Variants in RGS9 observed in about 807,000 individuals in gnomAD.
The protein encoded by RGS9 is regulator of G protein signaling 9, also known as regulator of G-protein signalling 9.
In RGS9, 78 loss-of-function variants were observed where a neutral mutation model predicts 102.0. That is an observed-to-expected ratio of 0.76 (90% CI 0.64 to 0.92). The LOEUF (loss-of-function observed/expected upper bound fraction) is 0.92, where lower values mean the gene tolerates loss of function less well. Among genes scored for constraint, RGS9 ranks in the 40% least tolerant of loss-of-function variants. The pLI is 0.00. For synonymous variants in RGS9, 353 were observed against 318.6 expected (o/e 1.11, Z -1.15); for missense variants, 833 against 866.1 (o/e 0.96, Z 0.48).
chr17:65,181,626 T>C (rs929368315), intron 9 of RGS9, among the ~76,000 whole-genome samples: 1 of 152,182 alleles, frequency 6.6e-6, no homozygotes, highest in East Asian at 1.9e-4. Flanking sequence ...CAGGAGGTGA[T>C]GGGGGCAGGG....
intron 8 of RGS9, among the ~76,000 whole-genome samples, chr17:65,177,089 C>CCATCCATT (rs1567873643): frequency 7.0e-6 from 1 of 143,838 alleles, no homozygotes; most frequent in African/African-American, 2.9e-5. Context: ...ATCCATCCAT[C>CCATCCATT]CATCCTTCCA....
At chr17:65,206,611 A>G (rs1036945625) in intron 15 of RGS9, among the ~76,000 whole-genome samples, 12 of 152,224 alleles carry the variant, frequency 7.9e-5, no homozygotes, top group Non-Finnish European at 2.9e-5. Context: ...TGGGAGGTGG[A>G]GGTTGCAGTG....
rs68149271 is a variant in RGS9, at chr17:65,183,061, AATCTATCTATCTATCT to A, written c.654+5292_654+5307del. On this transcript the variant is annotated intron_variant, in intron 9 of 18. Transcript: ENST00000262406. Reference sequence around the variant, plus strand: ...CAGCTGCACCCCCTTAATTTTTTTAAATCTATCTATCTATCTATCTATCTATCTATCTATCTATCTA... The same window carrying A: ...CAGCTGCACCCCCTTAATTTTTTTAAATCTATCTATCTATCTATCTATCTA... 8.4e-4 allele frequency among the ~76,000 whole-genome samples: 96 copies of A among 114,410 alleles called. 1 individual carries two copies. The highest frequency in any genetic ancestry group is 9.9e-4 in the South Asian group (4 of 4,056). 75.1% of individuals were successfully genotyped at this position (114,410 alleles called of 152,430 possible). A position where few individuals can be genotyped will look rare whatever the true frequency, so the allele number is the denominator to read the frequency against.
chr17:65,210,715 G>T, intron 17 of RGS9, 110 bp downstream of exon 17: 3 of 1,552,226 alleles, frequency 1.9e-6, no homozygotes, highest in Middle Eastern at 1.9e-4. Flanking sequence ...AAATGAAGAA[G>T]GGTAGGGTCA....
chr17:65,193,108 A>C (rs1000971689), intron 11 of RGS9, among the ~76,000 whole-genome samples: 2 of 146,472 alleles, frequency 1.4e-5, no homozygotes, highest in African/African-American at 5.0e-5. Flanking sequence ...CAAAAATACA[A>C]AAAAAAAAAA....
intron 1 of RGS9, among the ~76,000 whole-genome samples, chr17:65,140,978 C>T (rs552490898): frequency 6.6e-6 from 1 of 152,164 alleles, no homozygotes; most frequent in Non-Finnish European, 1.5e-5. Flanking sequence ...TCCTCCTGTG[C>T]CCCTGCAGCT....
chr17:65,145,669 A>G (rs1041845356), intron 1 of RGS9, among the ~76,000 whole-genome samples: 2 of 151,952 alleles, frequency 1.3e-5, no homozygotes, highest in Non-Finnish European at 2.9e-5. Context: ...TGCTGGGATT[A>G]CAGGTGTGAG....
At chr17:65,185,528 CA>C (rs1912075770) in intron 9 of RGS9, 1 of 152,908 alleles carries the variant, frequency 6.5e-6, no homozygotes. Flanking sequence ...CACTGTCCTT[CA>C]ATGTACGCAA....
chr17:65,143,301 C>T (rs1910227216), intron 1 of RGS9, among the ~76,000 whole-genome samples: 1 of 152,066 alleles, frequency 6.6e-6, no homozygotes, highest in Admixed American at 6.6e-5. Context: ...TGTTGAGAGC[C>T]CTGGGCTAAG....
intron 11 of RGS9, among the ~76,000 whole-genome samples, chr17:65,190,851 T>C (rs546020520): frequency 1.8e-4 from 28 of 152,222 alleles, no homozygotes; most frequent in Non-Finnish European, 2.6e-4. Flanking sequence ...GGGATTTTCC[T>C]GCACACATGA....
At chr17:65,159,603 G>A (rs773645869) in intron 3 of RGS9, among the ~76,000 whole-genome samples, 15 of 152,150 alleles carry the variant, frequency 9.9e-5, no homozygotes, top group Non-Finnish European at 2.2e-4. Flanking sequence ...CCTCCCCAGA[G>A]GATGGAAGGA....
Position 65,207,959 on chromosome 17 carries a change from A to C in RGS9, c.1241A>C (p.Lys414Thr), listed in dbSNP as rs1913134933. The C allele has an allele frequency of 6.2e-7, 1 of 1,613,338 alleles. No individual in the cohort carries two copies. Among genetic ancestry groups the C allele is most frequent in the African/African-American group, 1.3e-5 (1 of 74,878 alleles). ...CGCTATTTAAAATCTCCGATCTATA[A>C]GGACATGCTGGCCAAAGCTATTGAA... ...YARYLKSPIY[K>T]DMLAKAIEPQ... The change falls in exon 16 of 19, where the codon AAG (lysine) becomes ACG (threonine). Residue 414 changes from lysine to threonine, a missense_variant. Physicochemically the swap from Lys to Thr is moderately conservative, Grantham distance 78. Coordinates refer to ENST00000262406, the MANE Select transcript of RGS9 (RefSeq NM_003835.4).
intron 8 of RGS9, among the ~76,000 whole-genome samples, chr17:65,174,008 G>T (rs1365327692): frequency 1.3e-5 from 2 of 152,198 alleles, no homozygotes; most frequent in Non-Finnish European, 2.9e-5. Flanking sequence ...GGCAGCAGTG[G>T]CCAGAGGACT....
intron 1 of RGS9, among the ~76,000 whole-genome samples, chr17:65,153,116 T>C (rs965062802): frequency 1.2e-4 from 19 of 152,232 alleles, no homozygotes; most frequent in African/African-American, 4.1e-4. Flanking sequence ...CATGGTGTTC[T>C]ATCACTTTCT....
At chr17:65,206,391 A>T (rs551483299) in intron 15 of RGS9, among the ~76,000 whole-genome samples, 1 of 152,302 alleles carries the variant, frequency 6.6e-6, no homozygotes, top group African/African-American at 2.4e-5. Context: ...TTAAAAATGT[A>T]GTTTTCGGCT....
chr17:65,204,875 C>T (rs1187353940), intron 15 of RGS9, among the ~76,000 whole-genome samples: 1 of 152,202 alleles, frequency 6.6e-6, no homozygotes, highest in Non-Finnish European at 1.5e-5. Context: ...GTCAAGGTCT[C>T]ACCAGAGATG....
intron 1 of RGS9, among the ~76,000 whole-genome samples, chr17:65,142,175 C>T (rs765913901): frequency 3.9e-5 from 6 of 152,118 alleles, no homozygotes; most frequent in African/African-American, 4.8e-5. Flanking sequence ...ACCCAGGAGG[C>T]GGAGGCTGCA....
intron 9 of RGS9, among the ~76,000 whole-genome samples, chr17:65,185,724 G>A (rs969052799): frequency 6.6e-6 from 1 of 152,148 alleles, no homozygotes; most frequent in African/African-American, 2.4e-5. Flanking sequence ...CAGCACAGAG[G>A]CAGAGCCCTA....
Position 65,225,579 on chromosome 17 carries a change from G to T in RGS9, c.1892+93G>T, listed in dbSNP as rs945680977. ...TATGCATGCTTTGGGCTGGGGACTG[G>T]GATGGGTGAGAACAGATACCCCAGG... On this transcript the variant is annotated intron_variant, in intron 18 of 18. Coordinates refer to ENST00000262406, the MANE Select transcript of RGS9 (RefSeq NM_003835.4). 4 of 1,575,178 alleles carry T rather than the reference G, an allele frequency of 2.5e-6. No individual in the cohort carries two copies. The East Asian group carries it at 9.0e-5, about 35-fold the overall frequency.
Sources: gnomAD v4.1 joint callset for allele counts (sites outside exome capture counted in the v4.1 genomes callset) on GRCh38, gnomAD v4.1.1 for gene constraint, MANE v1.5 for transcripts, NCBI Gene and HGNC (gene_info 2026-07-23, HGNC 2026-07-21) for gene names.